HACE1: variants seen among roughly 807,000 people sequenced by gnomAD.
The protein encoded by HACE1 is HECT domain and ankyrin repeat containing E3 ubiquitin protein ligase 1.
Under a neutral mutation model 118.4 loss-of-function variants are expected in HACE1, and 73 were observed. That is an observed-to-expected ratio of 0.62 (90% CI 0.51 to 0.75). The LOEUF is 0.75. HACE1 is among the 30% of genes least tolerant of loss of function. HACE1 has a pLI of 0.00. For synonymous variants in HACE1, 368 were observed against 374.8 expected (o/e 0.98, Z 0.21); for missense variants, 749 against 1,102.2 (o/e 0.68, Z 4.54).
At chr6:104,832,348 T>A (rs571173836) in intron 6 of HACE1, among the ~76,000 whole-genome samples, 1 of 152,032 alleles carries the variant, frequency 6.6e-6, no homozygotes, top group East Asian at 1.9e-4. Flanking sequence ...TACAAATATT[T>A]TGAACAGATA....
intron 20 of HACE1, among the ~76,000 whole-genome samples, chr6:104,746,265 G>C (rs568347695): frequency 3.3e-5 from 5 of 152,254 alleles, no homozygotes; most frequent in African/African-American, 1.2e-4. Context: ...AGACCAAAAA[G>C]TTTTAGAACT....
At chr6:104,838,475 A>G (rs534697118) in intron 5 of HACE1, among the ~76,000 whole-genome samples, 1 of 152,280 alleles carries the variant, frequency 6.6e-6, no homozygotes, top group South Asian at 2.1e-4. Context: ...CATCTCTTCA[A>G]TAAATGGTGC....
chr6:104,850,941 G>A lies in HACE1; in HGVS notation c.187C>T (p.Arg63Cys). 6.2e-7 allele frequency: 1 copy of A among 1,609,794 alleles called. No homozygotes were observed. The highest frequency in any genetic ancestry group is 2.2e-5 in the East Asian group (1 of 44,858). ...ATGTGAAGCAAGCTTCTTTTCACAC[G>A]TCCGAATGCATAATTGACATCAAAT... ...SKFDVNYAFG[R>C]VKRSLLHIAA... Residue 63 changes from arginine (R) to cysteine (C), a missense_variant, in exon 3 of 24, where the codon CGT becomes TGT. Physicochemically the swap from Arg to Cys is radical, Grantham distance 180. Transcript: ENST00000262903.
intron 22 of HACE1, among the ~76,000 whole-genome samples, chr6:104,735,599 C>G (rs1775734729): frequency 6.6e-6 from 1 of 151,894 alleles, no homozygotes; most frequent in Non-Finnish European, 1.5e-5. Context: ...CCAGTGCACT[C>G]CAGCCTGGAC....
At chr6:104,816,674 A>T (rs1478704965) in intron 6 of HACE1, among the ~76,000 whole-genome samples, 1 of 152,200 alleles carries the variant, frequency 6.6e-6, no homozygotes, top group Non-Finnish European at 1.5e-5. Context: ...GGCACTGTCT[A>T]GTAGAGCTGT....
chr6:104,825,155 T>C (rs1333911980), intron 6 of HACE1, among the ~76,000 whole-genome samples: 1 of 151,814 alleles, frequency 6.6e-6, no homozygotes. Flanking sequence ...ATCCTGCATT[T>C]GAGTGGTTTT....
intron 6 of HACE1, among the ~76,000 whole-genome samples, chr6:104,819,506 A>G (rs1353830069): frequency 1.3e-5 from 2 of 152,152 alleles, no homozygotes; most frequent in African/African-American, 4.8e-5. Context: ...ATTAAACTAC[A>G]ATTGATGTTC....
intron 22 of HACE1, chr6:104,731,959 T>C (rs967716964): frequency 1.3e-5 from 2 of 151,006 alleles, no homozygotes; most frequent in Non-Finnish European, 2.9e-5. Flanking sequence ...AATAAGCACA[T>C]GAAAAGATGC....
chr6:104,840,722 G>A (rs569572278), intron 5 of HACE1, among the ~76,000 whole-genome samples: 7 of 152,242 alleles, frequency 4.6e-5, no homozygotes, highest in African/African-American at 1.7e-4. Flanking sequence ...CCAGCACTTT[G>A]GGAGGCCAAG....
intron 6 of HACE1, among the ~76,000 whole-genome samples, chr6:104,825,581 T>G (rs755725353): frequency 2.0e-5 from 3 of 152,176 alleles, no homozygotes; most frequent in Non-Finnish European, 4.4e-5. Context: ...CCACAACCAA[T>G]CAGATGTTTG....
intron 7 of HACE1, among the ~76,000 whole-genome samples, chr6:104,799,605 G>A (rs186765780): frequency 1.5e-4 from 23 of 152,238 alleles, no homozygotes; most frequent in Admixed American, 1.3e-4. Context: ...GGAGTTGCTC[G>A]AGATGAACAG....
At chr6:104,741,514 C>T (rs1394472347) in intron 22 of HACE1, among the ~76,000 whole-genome samples, 8 of 119,880 alleles carry the variant, frequency 6.7e-5, no homozygotes, top group East Asian at 2.4e-4. Context: ...TATACACCAA[C>T]AACAGACAAA....
chr6:104,759,049 A>G (rs1018889899), intron 19 of HACE1, among the ~76,000 whole-genome samples: 3 of 151,864 alleles, frequency 2.0e-5, no homozygotes, highest in African/African-American at 7.3e-5. Flanking sequence ...CAGAATCATA[A>G]AGCAAGTCCT....
chr6:104,818,045 G>C (rs1772299120), intron 6 of HACE1, among the ~76,000 whole-genome samples: 1 of 152,054 alleles, frequency 6.6e-6, no homozygotes, highest in African/African-American at 2.4e-5. Context: ...CTTATCAGAA[G>C]ATTTTAATAC....
At chr6:104,757,015 CTTGA>C (rs1342820173) in intron 19 of HACE1, among the ~76,000 whole-genome samples, 1 of 152,130 alleles carries the variant, frequency 6.6e-6, no homozygotes, top group East Asian at 1.9e-4. Flanking sequence ...ATTGCTGAGG[CTTGA>C]GTAGGAGGTT....
At chr6:104,826,955 T>C (rs950750679) in intron 6 of HACE1, among the ~76,000 whole-genome samples, 2 of 152,118 alleles carry the variant, frequency 1.3e-5, no homozygotes, top group Non-Finnish European at 2.9e-5. Context: ...AAGAAAAGCA[T>C]AGGGGATTTT....
chr6:104,757,242 GAACA>G (rs954832709), intron 19 of HACE1, among the ~76,000 whole-genome samples: 29 of 152,322 alleles, frequency 1.9e-4, no homozygotes, highest in African/African-American at 6.7e-4. Flanking sequence ...TGAGCTATGA[GAACA>G]GACAGACTAC....
At chr6:104,856,750 C>G (rs887605615) in intron 1 of HACE1, among the ~76,000 whole-genome samples, 1 of 151,954 alleles carries the variant, frequency 6.6e-6, no homozygotes, top group Non-Finnish European at 1.5e-5. Context: ...CTTTTAAACA[C>G]TACTAAGAAT....
intron 1 of HACE1, chr6:104,858,333 AG>A (rs1776947783): frequency 4.8e-6 from 1 of 209,132 alleles, no homozygotes; most frequent in Non-Finnish European, 9.9e-6. Flanking sequence ...AAGAAAATAT[AG>A]AAAAAGTTGA....
Sources: allele counts gnomAD v4.1 joint callset (sites outside exome capture counted in the v4.1 genomes callset), GRCh38; gene constraint gnomAD v4.1.1; transcripts MANE v1.5; gene names NCBI Gene and HGNC (gene_info 2026-07-23, HGNC 2026-07-21).